TRPM5: variants seen among roughly 807,000 people sequenced by gnomAD.
TRPM5 encodes MLSN1 and TRP-related.
In TRPM5, 121 loss-of-function variants were observed where a neutral mutation model predicts 124.9. The observed-to-expected ratio is 0.97, with a 90% CI of 0.84 to 1.13. The LOEUF (loss-of-function observed/expected upper bound fraction) is 1.13, where lower values mean the gene tolerates loss of function less well. Ranked by LOEUF, TRPM5 falls within the 50% of genes most tolerant of loss-of-function variation. The probability of loss-of-function intolerance (pLI) is 0.00; values close to 1 mark genes in which losing one functional copy is unlikely to be tolerated. For missense variants in TRPM5, 1,643 were observed against 1,589.1 expected (o/e 1.03, Z -0.58); for synonymous variants, 781 against 700.5 (o/e 1.11, Z -1.81).
chr11:2,417,682 A>T, intron 7 of TRPM5, 45 bp downstream of exon 12: 1 of 1,492,478 alleles, frequency 6.7e-7, no homozygotes, highest in Non-Finnish European at 9.1e-7. Context: ...TCTGAGCATG[A>T]AGCCCCCCAA....
the TRPM5 span, among the ~76,000 whole-genome samples, chr11:2,442,599 T>G: frequency 6.6e-6 from 1 of 152,256 alleles, no homozygotes; most frequent in African/African-American, 2.4e-5. This position sits in a 1 kb window ranked among gnomAD's most constrained non-coding sequence, Gnocchi z 5.9. Flanking sequence ...TTTTCTATTT[T>G]TCCTACATAT....
the TRPM5 span, among the ~76,000 whole-genome samples, chr11:2,440,097 A>G: frequency 2.0e-5 from 3 of 152,232 alleles, no homozygotes; most frequent in Non-Finnish European, 2.9e-5. This position sits in a 1 kb window ranked among gnomAD's most constrained non-coding sequence, Gnocchi z 5.2. Flanking sequence ...CAAATACCAC[A>G]TGTTCTCACT....
rs1200523002 is a variant in TRPM5 at position 2,415,549 on chromosome 11, G to A, written c.1129-78C>T. On this transcript the variant is annotated intron_variant, in intron 8 of 23. Coordinates refer to ENST00000155858, the Ensembl canonical transcript of TRPM5. ...CAGGAGGAGGGGGTCCAAGGAAGGA[G>A]AGAGCAGGGAGCATGGGGATCCATC... is the stretch of plus-strand genomic sequence containing the variant. The A allele has an allele frequency of 2.6e-5, 26 of 1,004,018 alleles. No individual in the cohort carries two copies. The Middle Eastern group carries it at 3.1e-3, about 120-fold the overall frequency. The allele number at this position is 1,004,018 out of a possible 1,614,324, so 62.2% of individuals were successfully genotyped here. A position where few individuals can be genotyped will look rare whatever the true frequency, so the allele number is the denominator to read the frequency against.
upstream of TRPM5, among the ~76,000 whole-genome samples, chr11:2,427,303 C>T (rs933424098): frequency 6.6e-6 from 1 of 152,346 alleles, no homozygotes; most frequent in Admixed American, 6.5e-5. Context: ...GGGCTGTCAG[C>T]GGTGTGAGGG....
At chr11:2,412,641 G>A in intron 15 of TRPM5, 113 bp downstream of exon 20, 1 of 1,170,800 alleles carries the variant, frequency 8.5e-7, no homozygotes, top group Non-Finnish European at 1.2e-6. Flanking sequence ...AGGCCCCCAT[G>A]CTGTTCTTGT....
chr11:2,442,668 G>A, the TRPM5 span, among the ~76,000 whole-genome samples: 464 of 152,172 alleles, frequency 3.0e-3, no homozygotes, highest in Non-Finnish European at 5.0e-3. The surrounding 1 kb of genome is among the most constrained non-coding windows in gnomAD (Gnocchi z 5.9). Context: ...TAGTAATATC[G>A]CTAGGTCTCT....
intron 18 of TRPM5, among the ~76,000 whole-genome samples, chr11:2,408,113 C>T (rs1163973612): frequency 1.3e-5 from 2 of 152,182 alleles, no homozygotes; most frequent in South Asian, 2.1e-4. Context: ...CAGAACCAGA[C>T]GGGTGGTGAG....
At chr11:2,421,147 C>G in exon 3 of TRPM5, 2 of 1,542,390 alleles carry the variant, frequency 1.3e-6, no homozygotes, top group Non-Finnish European at 1.7e-6. Context: ...CACGGCCTGC[C>G]CGACATGCCT....
chr11:2,422,588 G>A (rs1273416796), intron 1 of TRPM5, among the ~76,000 whole-genome samples: 1 of 151,910 alleles, frequency 6.6e-6, no homozygotes, highest in Admixed American at 6.6e-5. Context: ...TGTGTGACCT[G>A]GGCAGTCCTG....
At chr11:2,425,914 G>C (rs1845836874), upstream of TRPM5, among the ~76,000 whole-genome samples, 1 of 152,176 alleles carries the variant, frequency 6.6e-6, no homozygotes, top group Non-Finnish European at 1.5e-5. Flanking sequence ...CTTCGTCCCT[G>C]GTGGGGAAGC....
At chr11:2,420,549 T>C (rs1183215799) in intron 3 of TRPM5, 144 bp from the exon 9 acceptor site, 5 of 842,322 alleles carry the variant, frequency 5.9e-6, no homozygotes, top group Non-Finnish European at 8.9e-6. Context: ...TTCCCCACCC[T>C]TCAGACAAAA....
rs201433935 is a variant in TRPM5 at position 2,415,497 on chromosome 11, A to C, written c.1129-26T>G. ...CTTGGCGGCCATGGGCACCCGAGGG[A>C]AGGGGGACAAGAGAGTGAGCGAGAG... On this transcript the variant is annotated intron_variant, in intron 8 of 23. Transcript: ENST00000155858. 5 of 1,473,622 alleles carry C rather than the reference A, an allele frequency of 3.4e-6. No individual in the cohort carries two copies. In the African/African-American group the frequency reaches 7.0e-5, roughly 21 times the overall value. 91.3% of individuals were successfully genotyped at this position (1,473,622 alleles called of 1,614,324 possible). A position where few individuals can be genotyped will look rare whatever the true frequency, so the allele number is the denominator to read the frequency against.
In TRPM5 at chr11:2,415,474, TGGC is replaced by T. The variant is rs775610242; in HGVS notation, c.1129-6_1129-4del. 2 of 1,550,542 alleles carry T rather than the reference TGGC, an allele frequency of 1.3e-6. No homozygotes were observed. The highest frequency in any genetic ancestry group is 1.2e-5 in the South Asian group (1 of 84,736). ...ATCACCTCCTCCAGGTCACAGGACTTGGCGGCCATGGGCACCCGAGGGAAGGGG... is the reference window on the plus strand; with the variant it reads ...ATCACCTCCTCCAGGTCACAGGACTTGGCCATGGGCACCCGAGGGAAGGGG... On this transcript the variant is annotated splice_polypyrimidine_tract_variant and splice_region_variant and intron_variant, in intron 8 of 23. Transcript: ENST00000155858.
chr11:2,412,824 T>C lies in TRPM5; in HGVS notation c.2285A>G (p.Gln762Arg), dbSNP rs1031193487. ...GGTGACCTCGGGCCCTGAGGGGCCC[T>C]GGGGGGGCGGCCTGAAGTCCACCAG... Residue 762 changes from glutamine (Q) to arginine (R), a missense_variant, in exon 15 of 24, where the codon CAG becomes CGG. By Grantham distance (43) the Gln-to-Arg change is conservative (BLOSUM62 1). Coordinates refer to ENST00000155858, the Ensembl canonical transcript of TRPM5. The C allele has an allele frequency of 2.7e-5, 44 of 1,604,068 alleles. No individual in the cohort carries two copies. The highest frequency in any genetic ancestry group is 3.5e-5 in the Non-Finnish European group (41 of 1,175,936).
intron 7 of TRPM5, among the ~76,000 whole-genome samples, chr11:2,416,248 G>A (rs750027037): frequency 2.6e-5 from 4 of 152,236 alleles, no homozygotes; most frequent in East Asian, 1.9e-4. Context: ...GGGACGGCCC[G>A]TCTGCTCCCA....
chr11:2,414,580 G>A (rs1850525484), intron 11 of TRPM5, 135 bp downstream of exon 16: 2 of 1,276,782 alleles, frequency 1.6e-6, no homozygotes, highest in South Asian at 1.6e-5. Flanking sequence ...CCTCTCCTAT[G>A]GAGGAGGCCC....
intron 3 of TRPM5, 80 bp from the exon 9 acceptor site, chr11:2,420,485 G>T: frequency 6.9e-7 from 1 of 1,445,286 alleles, no homozygotes; most frequent in Non-Finnish European, 9.3e-7. Context: ...TCCCTGCCAG[G>T]CCGTGCACAC....
chr11:2,440,698 C>T, the TRPM5 span, among the ~76,000 whole-genome samples: 3 of 152,194 alleles, frequency 2.0e-5, no homozygotes, highest in South Asian at 2.1e-4. This position sits in a 1 kb window ranked among gnomAD's most constrained non-coding sequence, Gnocchi z 5.2. Flanking sequence ...CTGTAACCTG[C>T]GCCTAGAACA....
the TRPM5 span, among the ~76,000 whole-genome samples, chr11:2,435,580 T>TGTCC: frequency 6.9e-6 from 1 of 145,522 alleles, no homozygotes; most frequent in Non-Finnish European, 1.5e-5. This position sits in a 1 kb window ranked among gnomAD's most constrained non-coding sequence, Gnocchi z 4.1. Context: ...TCCATCTGTC[T>TGTCC]GTCCATCCAT....
Sources: allele counts gnomAD v4.1 joint callset (sites outside exome capture counted in the v4.1 genomes callset), GRCh38; gene constraint gnomAD v4.1.1; non-coding constraint Gnocchi (gnomAD v3.1); transcripts MANE v1.5; gene names NCBI Gene and HGNC (gene_info 2026-07-23, HGNC 2026-07-21).